Variants in EPHA2 observed in about 807,000 individuals in gnomAD.
EPHA2 encodes the protein ephrin type-A receptor 2.
EPHA2 carries 54 observed loss-of-function variants against 104.9 expected under a neutral mutation model. That is an observed-to-expected ratio of 0.51 (90% CI 0.41 to 0.65). EPHA2 has a LOEUF of 0.65. Ranked by LOEUF, EPHA2 falls within the 30% of genes least tolerant of loss-of-function variation. The probability of loss-of-function intolerance (pLI) is 0.00; values close to 1 mark genes in which losing one functional copy is unlikely to be tolerated. For missense variants in EPHA2, 1,117 were observed against 1,369.5 expected (o/e 0.82, Z 2.91); for synonymous variants, 560 against 559.1 (o/e 1.00, Z -0.02).
chr1:16,138,130 C>A lies in EPHA2; in HGVS notation c.1035G>T (p.Glu345Asp), dbSNP rs1446919506. The change falls in exon 5 of 17, where the codon GAG (glutamate) becomes GAT (aspartate). Residue 345 changes from glutamate to aspartate, a missense_variant. Transcript: ENST00000358432. ...TGTCCTGAGGGGGCGTCCAGCGCAG[C>A]TCCACCTTGGCACCCATGCCCACGG... ...LTAVGMGAKV[E>D]LRWTPPQDSG... is the part of the protein sequence containing the mutation. 9 of 1,609,112 alleles carry A rather than the reference C, an allele frequency of 5.6e-6. No individual in the cohort carries two copies. Among genetic ancestry groups the A allele is most frequent in the African/African-American group, 1.3e-5 (1 of 74,950 alleles).
At position 16,148,767 on chromosome 1, in the gene EPHA2, A is replaced by G. The variant is rs2024982886; in HGVS notation, c.434T>C (p.Ile145Thr). The G allele has an allele frequency of 3.7e-6, 6 of 1,614,098 alleles. No individual in the cohort carries two copies. The highest frequency in any genetic ancestry group is 5.1e-6 in the Non-Finnish European group (6 of 1,180,036). Reference sequence around the variant, plus strand: ...GCTGACGGTGATCTCATCGGGCGCAATGGTGTCAATCTTGGTGAACAGGCG... The same window carrying G: ...GCTGACGGTGATCTCATCGGGCGCAGTGGTGTCAATCTTGGTGAACAGGCG... ...QKRLFTKIDT[I>T]APDEITVSSD... The change falls in exon 3 of 17, where the codon ATT becomes ACT. Residue 145 changes from isoleucine to threonine, a missense_variant. By Grantham distance (89) the Ile-to-Thr change is moderately conservative (BLOSUM62 -1). Transcript: ENST00000358432. This position sits in a 1 kb window ranked among gnomAD's most constrained non-coding sequence, Gnocchi z 4.9.
chr1:16,143,887 C>A (rs535198433), intron 3 of EPHA2, among the ~76,000 whole-genome samples: 2 of 152,302 alleles, frequency 1.3e-5, no homozygotes, highest in East Asian at 3.9e-4. Flanking sequence ...GCCCTGGTGG[C>A]TTCTTGCTCC....
chr1:16,125,327 G>T lies in EPHA2; in HGVS notation c.2826-7C>A, dbSNP rs1336243795. 17 of 1,610,180 alleles carry T rather than the reference G, an allele frequency of 1.1e-5. No homozygotes were observed. The highest frequency in any genetic ancestry group is 1.7e-5 in the Admixed American group (1 of 59,768). On this transcript the variant is annotated splice_polypyrimidine_tract_variant and splice_region_variant and intron_variant, in intron 16 of 16. Transcript: ENST00000358432. This position sits in a 1 kb window ranked among gnomAD's most constrained non-coding sequence, Gnocchi z 4.9. ...CCCAATCCTCTTGATGTCGCTGTGGGCCGGGAGGGAGAGAGGGAGAGTTAG... is the reference window on the plus strand; with the variant it reads ...CCCAATCCTCTTGATGTCGCTGTGGTCCGGGAGGGAGAGAGGGAGAGTTAG...
chr1:16,135,153 C>T lies in EPHA2; in HGVS notation c.1465G>A (p.Gly489Ser). 1 of 1,614,018 alleles carries T rather than the reference C, an allele frequency of 6.2e-7. No individual in the cohort carries two copies. The highest frequency in any genetic ancestry group is 8.5e-7 in the Non-Finnish European group (1 of 1,180,020). Residue 489 changes from glycine to serine, a missense_variant, in exon 7 of 17, where the codon GGT (glycine) becomes AGT (serine). Physicochemically the swap from Gly to Ser is moderately conservative, Grantham distance 56. Coordinates refer to ENST00000358432, the MANE Select transcript of EPHA2 (RefSeq NM_004431.5). The surrounding 1 kb of genome is among the most constrained non-coding windows in gnomAD (Gnocchi z 4.3). ...AGGTCGTCCAGGGTCACGGAGAAAC[C>T]CTCGGTGCGGCGCACATTGTAGCTG... is the stretch of plus-strand genomic sequence containing the variant. ...SNSYNVRRTE[G>S]FSVTLDDLAP...
At chr1:16,149,154 G>A in intron 2 of EPHA2, 107 bp from the exon 3 acceptor site, 4 of 1,252,070 alleles carry the variant, frequency 3.2e-6, no homozygotes, top group Non-Finnish European at 4.5e-6. Context: ...TGCTCTCCGG[G>A]TTCTACGGTG....
At chr1:16,139,155 G>C (rs755725599) in intron 3 of EPHA2, among the ~76,000 whole-genome samples, 44 of 152,124 alleles carry the variant, frequency 2.9e-4, no homozygotes, top group Non-Finnish European at 6.0e-4. Context: ...CAGGCTGGGG[G>C]CTCAGGCACC....
intron 3 of EPHA2, among the ~76,000 whole-genome samples, chr1:16,141,068 T>G (rs547887025): frequency 6.6e-6 from 1 of 152,086 alleles, no homozygotes; most frequent in Non-Finnish European, 1.5e-5. Context: ...ACACTTCAAT[T>G]TGGAGCAAAG....
In EPHA2 at chr1:16,135,835, G is replaced by C. The variant is rs545297547; in HGVS notation, c.1313-65C>G. The C allele has an allele frequency of 1.7e-4, 134 of 772,872 alleles. No homozygotes were observed. The African/African-American group carries it at 2.1e-3, about 12-fold the overall frequency. The allele number at this position is 772,872 out of a possible 1,614,324, so 47.9% of individuals were successfully genotyped here. A position where few individuals can be genotyped will look rare whatever the true frequency, so the allele number is the denominator to read the frequency against. On this transcript the variant is annotated intron_variant, in intron 5 of 16. Coordinates refer to ENST00000358432, the MANE Select transcript of EPHA2 (RefSeq NM_004431.5). The surrounding 1 kb of genome is among the most constrained non-coding windows in gnomAD (Gnocchi z 4.3). ...GCCTACGAGCAGGCAGGGTTTGGGGGGACAAGTGGACGTGGAGCCACATCC... is the reference window on the plus strand; with the variant it reads ...GCCTACGAGCAGGCAGGGTTTGGGGCGACAAGTGGACGTGGAGCCACATCC...
chr1:16,133,220 G>A lies in EPHA2; in HGVS notation c.2013C>T (p.Ser671=). 1 of 1,613,760 alleles carries A rather than the reference G, an allele frequency of 6.2e-7. No individual in the cohort carries two copies. The part of the protein sequence containing the change: ...LGEAGIMGQF[S]HHNIIRLEGV... ...CCTCTAGGCGGATGATGTTGTGGTGGCTGAACTGGCCCATGATGCCGGCCT... is the reference window on the plus strand; with the variant it reads ...CCTCTAGGCGGATGATGTTGTGGTGACTGAACTGGCCCATGATGCCGGCCT... Residue 671 remains serine, a synonymous_variant, in exon 11 of 17, where the codon AGC becomes AGT. Transcript: ENST00000358432.
At position 16,155,902 on chromosome 1, in the gene EPHA2, C is replaced by A; in HGVS notation, c.31G>T (p.Ala11Ser). The change falls in exon 1 of 17, where the codon GCC (alanine) becomes TCC (serine). Residue 11 changes from alanine (A) to serine (S), a missense_variant. By Grantham distance (99) the Ala-to-Ser change is moderately conservative. Transcript: ENST00000358432. ...GCCAGCGCACAGCCCCACAGCAGGG[C>A]GAAGCAGGCGCGGGCTGCCTGGAGC... MELQAARACF[A>S]LLWGCALAAA... The A allele has an allele frequency of 1.3e-6, 2 of 1,488,360 alleles. No homozygotes were observed. Among genetic ancestry groups the A allele is most frequent in the South Asian group, 1.3e-5 (1 of 78,860 alleles). The allele number at this position is 1,488,360 out of a possible 1,614,324, so 92.2% of individuals were successfully genotyped here. A position where few individuals can be genotyped will look rare whatever the true frequency, so the allele number is the denominator to read the frequency against.
At position 16,150,966 on chromosome 1, in the gene EPHA2, G is replaced by A. The variant is rs1456373200; in HGVS notation, c.86-3C>T. The A allele has an allele frequency of 6.2e-7, 1 of 1,614,062 alleles. No homozygotes were observed. The highest frequency in any genetic ancestry group is 1.7e-5 in the Admixed American group (1 of 60,026). Reference sequence around the variant, plus strand: ...TGCAGCAAAGTCCAGCAGTACCACTGAAAGGGAGAAGGGAGAGGGGGTGAG... The same window carrying A: ...TGCAGCAAAGTCCAGCAGTACCACTAAAAGGGAGAAGGGAGAGGGGGTGAG... On this transcript the variant is annotated splice_region_variant and splice_polypyrimidine_tract_variant and intron_variant, in intron 1 of 16. Transcript: ENST00000358432. This position sits in a 1 kb window ranked among gnomAD's most constrained non-coding sequence, Gnocchi z 4.8.
chr1:16,137,297 T>TAAAA (rs113394862), intron 5 of EPHA2, among the ~76,000 whole-genome samples: 230 of 140,378 alleles, frequency 1.6e-3, no homozygotes, highest in African/African-American at 4.4e-3. Flanking sequence ...GGTGATGAGC[T>TAAAA]AAAAAAAAAA....
At chr1:16,137,712 A>C in intron 5 of EPHA2, 141 bp downstream of exon 5, 1 of 991,556 alleles carries the variant, frequency 1.0e-6, no homozygotes, top group Non-Finnish European at 1.5e-6. Context: ...CACGGGTTGG[A>C]CAAGCTTGCT....
rs928754760 is a variant in EPHA2, at chr1:16,134,852, C to T, written c.1582+184G>A. On this transcript the variant is annotated intron_variant, in intron 7 of 16. Coordinates refer to ENST00000358432, the MANE Select transcript of EPHA2 (RefSeq NM_004431.5). This position sits in a 1 kb window ranked among gnomAD's most constrained non-coding sequence, Gnocchi z 4.5. ...GTGAATCCACATCCCGGCTCCTCCACCCCTCAGCCTTCCATGCTTCCCCCT... is the reference window on the plus strand; with the variant it reads ...GTGAATCCACATCCCGGCTCCTCCATCCCTCAGCCTTCCATGCTTCCCCCT... Among the ~76,000 whole-genome samples, 1 of 152,234 alleles carries T rather than the reference C, an allele frequency of 6.6e-6. No homozygotes were observed. The highest frequency in any genetic ancestry group is 6.5e-5 in the Admixed American group (1 of 15,288).
intron 1 of EPHA2, 41 bp downstream of exon 1, chr1:16,155,806 TG>T (rs1557520437): frequency 2.2e-6 from 3 of 1,354,830 alleles, no homozygotes; most frequent in Non-Finnish European, 1.9e-6. Context: ...TAGGGGGCAC[TG>T]GGGCCCGGGG....
chr1:16,148,094 T>C lies in EPHA2; in HGVS notation c.823+284A>G, dbSNP rs551564947. Among the ~76,000 whole-genome samples, 1 of 152,222 alleles carries C rather than the reference T, an allele frequency of 6.6e-6. No individual in the cohort carries two copies. The highest frequency in any genetic ancestry group is 2.4e-5 in the African/African-American group (1 of 41,526). Reference sequence around the variant, plus strand: ...TTTCATTATGTTGCCCAGGCTGGTCTCAAACTCCTGGGCTCAAGTGATCCA... The same window carrying C: ...TTTCATTATGTTGCCCAGGCTGGTCCCAAACTCCTGGGCTCAAGTGATCCA... On this transcript the variant is annotated intron_variant, in intron 3 of 16. Transcript: ENST00000358432. This position sits in a 1 kb window ranked among gnomAD's most constrained non-coding sequence, Gnocchi z 4.9.
chr1:16,131,644 C>T lies in EPHA2; in HGVS notation c.2475+77G>A, dbSNP rs1034711939. 3.1e-6 allele frequency: 5 copies of T among 1,594,306 alleles called. No individual in the cohort carries two copies. The African/African-American group carries it at 6.7e-5, about 21-fold the overall frequency. ...AAGGTTCATCTAAACTGTCCTCTGC[C>T]CAGCCCCTGCAGTTTGAGATGAGTA... On this transcript the variant is annotated intron_variant, in intron 14 of 16. Transcript: ENST00000358432. The surrounding 1 kb of genome is among the most constrained non-coding windows in gnomAD (Gnocchi z 5.2).
In EPHA2 at chr1:16,125,838, C is replaced by T. The variant is rs867127518; in HGVS notation, c.2826-518G>A. 7.9e-5 allele frequency among the ~76,000 whole-genome samples: 12 copies of T among 152,230 alleles called. No individual in the cohort carries two copies. The highest frequency in any genetic ancestry group is 2.0e-4 in the Admixed American group (3 of 15,302). On this transcript the variant is annotated intron_variant, in intron 16 of 16. Coordinates refer to ENST00000358432, the MANE Select transcript of EPHA2 (RefSeq NM_004431.5). The surrounding 1 kb of genome is among the most constrained non-coding windows in gnomAD (Gnocchi z 4.9). The stretch of plus-strand genomic sequence containing the variant: ...CTTCCCAGGAACTCTCTAGGGATGT[C>T]GCTCAAAGCCTCTCTGCCCAAGGTC...
chr1:16,133,561 T>C lies in EPHA2; in HGVS notation c.1784A>G (p.Glu595Gly), dbSNP rs932922592. 5 of 1,614,076 alleles carry C rather than the reference T, an allele frequency of 3.1e-6. No individual in the cohort carries two copies. The highest frequency in any genetic ancestry group is 4.2e-6 in the Non-Finnish European group (5 of 1,179,966). The part of the protein sequence containing the change: ...LKTYVDPHTY[E>G]DPNQAVLKFT... ...CTTCAACACAGCCTGGTTGGGGTCC[T>C]CATATGTGTGGGGGTCCACGTATGT... Residue 595 changes from glutamate to glycine, a missense_variant, in exon 10 of 17, where the codon GAG (glutamate) becomes GGG (glycine). Coordinates refer to ENST00000358432, the MANE Select transcript of EPHA2 (RefSeq NM_004431.5).
Sources: gnomAD v4.1 joint callset for allele counts (sites outside exome capture counted in the v4.1 genomes callset) on GRCh38, gnomAD v4.1.1 for gene constraint, Gnocchi (gnomAD v3.1) non-coding constraint, MANE v1.5 for transcripts, NCBI Gene and HGNC (gene_info 2026-07-23, HGNC 2026-07-21) for gene names.